Variants in SETD7 observed in about 807,000 individuals in gnomAD.
SETD7 encodes histone-lysine N-methyltransferase SETD7.
In SETD7, 16 loss-of-function variants were observed where a neutral mutation model predicts 41.8. The ratio of observed to expected loss-of-function variants is 0.38; its 90% CI spans 0.26 to 0.58. The LOEUF is 0.58. SETD7 is among the 20% of genes least tolerant of loss of function. SETD7 has a pLI of 0.64. For missense variants in SETD7, 346 were observed against 459.7 expected (o/e 0.75, Z 2.26); for synonymous variants, 163 against 169.7 (o/e 0.96, Z 0.31).
At chr4:139,539,521 T>A (rs967490812) in intron 2 of SETD7, among the ~76,000 whole-genome samples, 6 of 152,264 alleles carry the variant, frequency 3.9e-5, no homozygotes, top group African/African-American at 1.4e-4. Context: ...TTGAAGGTTT[T>A]CTTTTTCTAT....
chr4:139,532,048 G>A (rs1727495032), intron 3 of SETD7, among the ~76,000 whole-genome samples: 1 of 152,136 alleles, frequency 6.6e-6, no homozygotes, highest in Non-Finnish European at 1.5e-5. Flanking sequence ...AAGCCGACAT[G>A]GCACCACTGC....
chr4:139,531,844 A>G (rs1727489213), intron 3 of SETD7, among the ~76,000 whole-genome samples: 1 of 152,122 alleles, frequency 6.6e-6, no homozygotes, highest in Admixed American at 6.5e-5. Context: ...TAATCCCAGC[A>G]CTTTGGGAGG....
chr4:139,499,489 G>A lies in SETD7; in HGVS notation c.921-2968C>T, dbSNP rs113917900. Among the ~76,000 whole-genome samples, 436 of 152,210 alleles carry A rather than the reference G, an allele frequency of 2.9e-3. 1 individual carries two copies. The highest frequency in any genetic ancestry group is 8.9e-3 in the African/African-American group (368 of 41,522). On this transcript the variant is annotated intron_variant, in intron 7 of 7. Coordinates refer to the SETD7 transcript ENST00000506866. ...TTACTACTGTGAAACCTGAAGAATC[G>A]GTCTTTGAGATATTTTTCAGATTTA...
intron 7 of SETD7, among the ~76,000 whole-genome samples, chr4:139,496,806 A>G (rs186819611): frequency 6.6e-6 from 1 of 152,298 alleles, no homozygotes; most frequent in East Asian, 1.9e-4. Context: ...ACTCAGTCTC[A>G]GGTTTCTGGC....
intron 6 of SETD7, 45 bp from the exon 7 acceptor site, chr4:139,518,087 C>A (rs775257254): frequency 1.9e-6 from 3 of 1,561,434 alleles, no homozygotes; most frequent in East Asian, 2.3e-5. Context: ...CCTTTCTCCC[C>A]AAAGGTCAAA....
At position 139,529,011 on chromosome 4, in the gene SETD7, C is replaced by A. The variant is rs2592974; in HGVS notation, c.562+20G>T. The stretch of plus-strand genomic sequence containing the variant: ...CTGCTTTGGAATTGGAGCAACCCAT[C>A]TGAAGCAGATTCAACTTACTTCCAG... On this transcript the variant is annotated intron_variant, in intron 4 of 7. Transcript: ENST00000274031. 1 of 1,610,264 alleles carries A rather than the reference C, an allele frequency of 6.2e-7. No individual in the cohort carries two copies.
Position 139,511,688 on chromosome 4 carries a change from G to C in SETD7, c.1076C>G (p.Ala359Gly), listed in dbSNP as rs773359522. The change falls in exon 8 of 8, where the codon GCC becomes GGC. Residue 359 changes from alanine (A) to glycine (G), a missense_variant. Coordinates refer to ENST00000274031, the MANE Select transcript of SETD7 (RefSeq NM_030648.4). ...APEWYQVELK[A>G]FQATQQK is the part of the protein sequence containing the mutation. Reference sequence around the variant, plus strand: ...TCACTTTTGCTGGGTGGCCTGGAAGGCCTTCAGCTCCACCTGGTACCACTC... The same window carrying C: ...TCACTTTTGCTGGGTGGCCTGGAAGCCCTTCAGCTCCACCTGGTACCACTC... The C allele has an allele frequency of 6.8e-6, 11 of 1,613,298 alleles. No individual in the cohort carries two copies. Among genetic ancestry groups the C allele is most frequent in the Non-Finnish European group, 9.3e-6 (11 of 1,179,814 alleles).
chr4:139,493,007 A>T (rs1441154009), downstream of SETD7, among the ~76,000 whole-genome samples: 1 of 152,196 alleles, frequency 6.6e-6, no homozygotes, highest in African/African-American at 2.4e-5. Context: ...TATTTTATAA[A>T]TATTAAACAA....
chr4:139,555,703 G>A lies in SETD7; in HGVS notation c.40+395C>T, dbSNP rs1462526252. Among the ~76,000 whole-genome samples the A allele has an allele frequency of 6.6e-6, 1 of 152,098 alleles. No individual in the cohort carries two copies. Among genetic ancestry groups the A allele is most frequent in the East Asian group, 1.9e-4 (1 of 5,172 alleles). On this transcript the variant is annotated intron_variant, in intron 1 of 7. Transcript: ENST00000274031. This position sits in a 1 kb window ranked among gnomAD's most constrained non-coding sequence, Gnocchi z 4.0. ...GATCGGGGTGGCCAAAACTGGGCTA[G>A]GGGATTGCTCCGCGGAGTCCGCCGG...
chr4:139,495,449 A>G (rs547411893), downstream of SETD7, among the ~76,000 whole-genome samples: 41 of 152,338 alleles, frequency 2.7e-4, no homozygotes, highest in African/African-American at 9.1e-4. Flanking sequence ...TGGGTAATTT[A>G]TAAAGGAAAG....
At chr4:139,517,612 G>A (rs6841340) in intron 7 of SETD7, among the ~76,000 whole-genome samples, 7,661 of 152,132 alleles carry the variant, frequency 0.05, 616 homozygotes, top group African/African-American at 0.17. Flanking sequence ...CAAGAAAAGC[G>A]GCTATAAAAC....
intron 2 of SETD7, among the ~76,000 whole-genome samples, chr4:139,535,074 T>G (rs942253879): frequency 1.3e-5 from 2 of 152,070 alleles, no homozygotes; most frequent in Non-Finnish European, 2.9e-5. Flanking sequence ...ATAATCAAAA[T>G]TCTAAAACAG....
rs548191408 is a variant in SETD7 at position 139,509,937 on chromosome 4, T to C, written c.*1726A>G. Reference sequence around the variant, plus strand: ...ACCACTGCCACCTAGCTGCAAAGCATGCAACCGGGTGCTCTAGGAAGCCTG... The same window carrying C: ...ACCACTGCCACCTAGCTGCAAAGCACGCAACCGGGTGCTCTAGGAAGCCTG... On this transcript the variant is annotated 3_prime_UTR_variant, in exon 8 of 8. Transcript: ENST00000274031. The C allele has an allele frequency of 1.0e-6, 1 of 966,694 alleles. No individual in the cohort carries two copies. The highest frequency in any genetic ancestry group is 4.8e-5 in the South Asian group (1 of 20,926). The allele number at this position is 966,694 out of a possible 1,614,324, so 59.9% of individuals were successfully genotyped here. A position where few individuals can be genotyped will look rare whatever the true frequency, so the allele number is the denominator to read the frequency against.
intron 1 of SETD7, among the ~76,000 whole-genome samples, chr4:139,548,348 C>T (rs1579225779): frequency 1.3e-5 from 2 of 152,084 alleles, no homozygotes; most frequent in East Asian, 3.9e-4. Context: ...AATAAATATG[C>T]GGCCGGGCAT....
intron 7 of SETD7, among the ~76,000 whole-genome samples, chr4:139,517,648 T>C (rs1397016503): frequency 6.6e-6 from 1 of 152,178 alleles, no homozygotes; most frequent in East Asian, 1.9e-4. Context: ...TGGTATACTA[T>C]TTCCATACCA....
intron 3 of SETD7, chr4:139,532,782 C>A (rs895778913): frequency 7.3e-6 from 2 of 273,038 alleles, no homozygotes; most frequent in Admixed American, 1.0e-4. Context: ...CTGGTTTTTA[C>A]ATATGAGAAA....
Position 139,533,276 on chromosome 4 carries a change from T to G in SETD7, c.261A>C (p.Val87=). 1 of 1,614,174 alleles carries G rather than the reference T, an allele frequency of 6.2e-7. No homozygotes were observed. The highest frequency in any genetic ancestry group is 8.5e-7 in the Non-Finnish European group (1 of 1,179,996). The change falls in exon 3 of 8, where the codon GTA becomes GTC. Residue 87 remains valine (V), a synonymous_variant. Coordinates refer to ENST00000274031, the MANE Select transcript of SETD7 (RefSeq NM_030648.4). ...GGGCTGGACCGTTCAGCTCTCCGTC[T>G]ACATACGTGCCCTGGAGAACTCCCC... The part of the protein sequence containing the change: ...EDGGVLQGTY[V]DGELNGPAQE...
At chr4:139,501,956 G>A (rs1192324193), downstream of SETD7, among the ~76,000 whole-genome samples, 2 of 152,210 alleles carry the variant, frequency 1.3e-5, no homozygotes, top group African/African-American at 4.8e-5. Context: ...AGAGCAGGCG[G>A]AGCAAAGTTA....
intron 7 of SETD7, among the ~76,000 whole-genome samples, chr4:139,514,777 G>A (rs538213346): frequency 9.2e-5 from 14 of 152,304 alleles, no homozygotes; most frequent in Admixed American, 2.6e-4. Flanking sequence ...TCTACAGGTT[G>A]TCTAGGAAAG....
Sources: allele counts gnomAD v4.1 joint callset (sites outside exome capture counted in the v4.1 genomes callset), GRCh38; gene constraint gnomAD v4.1.1; non-coding constraint Gnocchi (gnomAD v3.1); transcripts MANE v1.5; gene names NCBI Gene and HGNC (gene_info 2026-07-23, HGNC 2026-07-21).